Variants in DPF3 observed in about 807,000 individuals in gnomAD.
The protein encoded by DPF3 is double PHD fingers 3.
DPF3 carries 18 observed loss-of-function variants against 56.8 expected under a neutral mutation model. The observed-to-expected ratio is 0.32, with a 90% CI of 0.22 to 0.47. DPF3 has a LOEUF of 0.47. DPF3 is among the 20% of genes least tolerant of loss of function. The probability of loss-of-function intolerance (pLI) is 1.00; values close to 1 mark genes in which losing one functional copy is unlikely to be tolerated. For missense variants in DPF3, 403 were observed against 488.8 expected, an observed-to-expected ratio of 0.82 and a Z score of 1.65; for synonymous variants, 188 against 180.2, an observed-to-expected ratio of 1.04 and a Z score of -0.35.
At chr14:72,652,320 G>C (rs1885934506) in intron 8 of DPF3, among the ~76,000 whole-genome samples, 1 of 152,162 alleles carries the variant, frequency 6.6e-6, no homozygotes, top group Non-Finnish European at 1.5e-5. Context: ...ACTCATTGGT[G>C]GTGGTGGGCT....
At chr14:72,835,120 T>G (rs61986326) in intron 1 of DPF3, among the ~76,000 whole-genome samples, 7,090 of 151,628 alleles carry the variant, frequency 0.047, 240 homozygotes, top group Non-Finnish European at 0.077. Flanking sequence ...CAGGCTGGAG[T>G]GCAGTGGTAT....
chr14:72,826,768 C>T (rs1315634265), intron 1 of DPF3, among the ~76,000 whole-genome samples: 6 of 152,058 alleles, frequency 3.9e-5, no homozygotes, highest in Admixed American at 2.6e-4. Flanking sequence ...GATGGCCGGG[C>T]GCGGTGGCTC....
At chr14:72,889,166 G>A (rs1451166681) in intron 1 of DPF3, among the ~76,000 whole-genome samples, 1 of 152,160 alleles carries the variant, frequency 6.6e-6, no homozygotes, top group East Asian at 1.9e-4. Flanking sequence ...CCCACCTTAT[G>A]TGACTAAGCA....
At chr14:72,885,809 A>G (rs919447190) in intron 1 of DPF3, among the ~76,000 whole-genome samples, 1 of 152,242 alleles carries the variant, frequency 6.6e-6, no homozygotes, top group African/African-American at 2.4e-5. Flanking sequence ...CCAAATGCCC[A>G]TCGGCAGTTA....
At chr14:72,777,465 T>C (rs1442383328) in intron 1 of DPF3, among the ~76,000 whole-genome samples, 2 of 152,212 alleles carry the variant, frequency 1.3e-5, no homozygotes, top group Non-Finnish European at 2.9e-5. Context: ...AATTGTGTCG[T>C]TCCTCCTCAC....
At chr14:72,861,789 A>T (rs1324126702) in intron 1 of DPF3, among the ~76,000 whole-genome samples, 2 of 151,206 alleles carry the variant, frequency 1.3e-5, no homozygotes, top group African/African-American at 2.5e-5. Context: ...GAAAGAAAGA[A>T]AGAAAGAAAG....
chr14:72,759,954 AG>A (rs1236762535), intron 2 of DPF3, among the ~76,000 whole-genome samples: 4 of 152,186 alleles, frequency 2.6e-5, no homozygotes, highest in Non-Finnish European at 4.4e-5. Context: ...AACTAAAGAT[AG>A]TTTCAGATAT....
chr14:72,619,850 C>A, intron 10 of DPF3, 53 bp downstream of exon 10: 1 of 1,454,784 alleles, frequency 6.9e-7, no homozygotes, highest in Non-Finnish European at 9.2e-7. Context: ...TCAGTAAGTG[C>A]TAGTAGTAGT....
chr14:72,654,186 T>A (rs1373674949), intron 8 of DPF3, among the ~76,000 whole-genome samples: 1 of 151,854 alleles, frequency 6.6e-6, no homozygotes, highest in Non-Finnish European at 1.5e-5. Context: ...TACCTGTGAC[T>A]CCCCCCAGCA....
chr14:72,676,818 C>A (rs1886933778), intron 7 of DPF3, among the ~76,000 whole-genome samples: 1 of 152,158 alleles, frequency 6.6e-6, no homozygotes, highest in South Asian at 2.1e-4. Flanking sequence ...TATAAATCAC[C>A]CAATCTCGGG....
intron 1 of DPF3, among the ~76,000 whole-genome samples, chr14:72,867,958 C>T (rs1885744406): frequency 6.6e-6 from 1 of 151,970 alleles, no homozygotes; most frequent in Non-Finnish European, 1.5e-5. Context: ...CCAGGCTGAT[C>T]TTGAACTCCT....
intron 1 of DPF3, among the ~76,000 whole-genome samples, chr14:72,820,718 G>A (rs1475897731): frequency 6.6e-6 from 1 of 152,184 alleles, no homozygotes; most frequent in Non-Finnish European, 1.5e-5. Flanking sequence ...TTTTCAGCCA[G>A]GCACTGTGGT....
chr14:72,876,201 T>C (rs573539085), intron 1 of DPF3, among the ~76,000 whole-genome samples: 1 of 152,294 alleles, frequency 6.6e-6, no homozygotes, highest in Admixed American at 6.5e-5. Context: ...AGCTGGCCTG[T>C]AGCTGACAGG....
chr14:72,641,707 C>T (rs987704145), intron 8 of DPF3, among the ~76,000 whole-genome samples: 1 of 152,230 alleles, frequency 6.6e-6, no homozygotes, highest in African/African-American at 2.4e-5. Context: ...TTGGTGGCTG[C>T]AGTGCTTTGC....
chr14:72,888,202 C>T (rs1886622564), intron 1 of DPF3, among the ~76,000 whole-genome samples: 1 of 152,132 alleles, frequency 6.6e-6, no homozygotes, highest in Non-Finnish European at 1.5e-5. Flanking sequence ...TAAATTGTAA[C>T]CTCTTCAGGG....
intron 3 of DPF3, among the ~76,000 whole-genome samples, chr14:72,752,819 TG>T (rs1890634360): frequency 6.6e-6 from 1 of 152,172 alleles, no homozygotes; most frequent in Non-Finnish European, 1.5e-5. Context: ...CCCCTTTTTG[TG>T]TAAGATGCTC....
intron 1 of DPF3, among the ~76,000 whole-genome samples, chr14:72,796,567 T>TA (rs1894485650): frequency 6.6e-6 from 1 of 152,352 alleles, no homozygotes; most frequent in Admixed American, 6.5e-5. Context: ...CAGCATGGGT[T>TA]AAATAGCATG....
At chr14:72,706,148 C>T (rs1888394619) in intron 6 of DPF3, among the ~76,000 whole-genome samples, 3 of 152,154 alleles carry the variant, frequency 2.0e-5, no homozygotes, top group Admixed American at 6.5e-5. Context: ...TATTCCAGGT[C>T]TATAATATAA....
At chr14:72,811,965 G>A (rs748085801) in intron 1 of DPF3, among the ~76,000 whole-genome samples, 21 of 152,182 alleles carry the variant, frequency 1.4e-4, no homozygotes, top group Non-Finnish European at 2.6e-4. Flanking sequence ...TGGTGTGGCT[G>A]TTTTCTTTCA....
Sources: gnomAD v4.1 joint callset for allele counts (sites outside exome capture counted in the v4.1 genomes callset) on GRCh38, gnomAD v4.1.1 for gene constraint, MANE v1.5 for transcripts, NCBI Gene and HGNC (gene_info 2026-07-23, HGNC 2026-07-21) for gene names.